Variants in SGCZ observed in about 807,000 individuals in gnomAD.
SGCZ encodes sarcoglycan zeta.
In SGCZ, 40 loss-of-function variants were observed where a neutral mutation model predicts 41.3. The ratio of observed to expected loss-of-function variants is 0.97; its 90% CI spans 0.75 to 1.26. The LOEUF (loss-of-function observed/expected upper bound fraction) is 1.26, where lower values mean the gene tolerates loss of function less well. Among genes scored for constraint, SGCZ ranks in the 50% most tolerant of loss-of-function variants. The pLI is 0.00. For missense variants in SGCZ, 552 were observed against 369.8 expected, an observed-to-expected ratio of 1.49 and a Z score of -4.04; for synonymous variants, 206 against 137.5, an observed-to-expected ratio of 1.50 and a Z score of -3.49.
chr8:14,987,599 T>C (rs550918615), intron 1 of SGCZ, among the ~76,000 whole-genome samples: 1 of 151,994 alleles, frequency 6.6e-6, no homozygotes, highest in African/African-American at 2.4e-5. Context: ...TCCACTTACA[T>C]ACCCAGTCAT....
At chr8:14,204,811 C>T (rs950304167) in intron 4 of SGCZ, among the ~76,000 whole-genome samples, 2 of 152,148 alleles carry the variant, frequency 1.3e-5, no homozygotes, top group Non-Finnish European at 2.9e-5. Flanking sequence ...AGACCTACAC[C>T]AGTTCACGCT....
rs1197017318 is a variant in SGCZ, at chr8:14,325,429, ACTTT to A, written c.235-1229_235-1226del. Among the ~76,000 whole-genome samples, 10 of 150,208 alleles carry A rather than the reference ACTTT, an allele frequency of 6.7e-5. No individual in the cohort carries two copies. In the Admixed American group the frequency reaches 6.7e-4, roughly 10 times the overall value. ...AATCCCAAAGCAAATTTAGCTTTTC[ACTTT>A]CTAACATTATATCTCCATTGTAAAA... On this transcript the variant is annotated intron_variant, in intron 2 of 7. Transcript: ENST00000382080.
intron 1 of SGCZ, among the ~76,000 whole-genome samples, chr8:14,891,218 T>A (rs1805003519): frequency 6.6e-6 from 1 of 152,224 alleles, no homozygotes; most frequent in African/African-American, 2.4e-5. Context: ...GTAATTCCTC[T>A]GATGAATCTG....
intron 1 of SGCZ, among the ~76,000 whole-genome samples, chr8:14,956,378 A>G (rs954141226): frequency 6.6e-6 from 1 of 152,096 alleles, no homozygotes; most frequent in African/African-American, 2.4e-5. Flanking sequence ...CAGTTTTTGC[A>G]CAGTCTGTTC....
chr8:14,643,382 C>G (rs964335), intron 1 of SGCZ, among the ~76,000 whole-genome samples: 29,055 of 151,272 alleles, frequency 0.19, 3,305 homozygotes, highest in East Asian at 0.6. Flanking sequence ...GTTGTAAATG[C>G]AAGTAGCTCT....
intron 1 of SGCZ, among the ~76,000 whole-genome samples, chr8:14,908,341 T>C (rs1026438433): frequency 1.3e-5 from 2 of 152,156 alleles, no homozygotes; most frequent in African/African-American, 2.4e-5. Flanking sequence ...ATTTACCTAG[T>C]GGCCATTGTA....
intron 2 of SGCZ, among the ~76,000 whole-genome samples, chr8:14,427,008 C>G (rs1377440309): frequency 6.7e-6 from 1 of 149,014 alleles, no homozygotes; most frequent in Non-Finnish European, 1.5e-5. Flanking sequence ...GCTCAGTAGC[C>G]TGTTTGCAGC....
At chr8:14,253,755 C>G (rs531430652) in intron 3 of SGCZ, among the ~76,000 whole-genome samples, 1 of 151,972 alleles carries the variant, frequency 6.6e-6, no homozygotes, top group Non-Finnish European at 1.5e-5. Flanking sequence ...CTTTACAGAA[C>G]GAGCTATCTA....
intron 2 of SGCZ, among the ~76,000 whole-genome samples, chr8:14,417,490 G>C (rs1799525256): frequency 6.6e-6 from 1 of 151,444 alleles, no homozygotes; most frequent in Admixed American, 6.6e-5. Context: ...TGATTACTTG[G>C]TCAAATCTGG....
intron 1 of SGCZ, among the ~76,000 whole-genome samples, chr8:15,177,382 G>A (rs1289670880): frequency 1.3e-5 from 2 of 152,160 alleles, no homozygotes; most frequent in Admixed American, 6.5e-5. Flanking sequence ...AAAATAAGGA[G>A]CTGAGGCCTT....
At chr8:14,915,078 C>G (rs998544963) in intron 1 of SGCZ, among the ~76,000 whole-genome samples, 1 of 152,104 alleles carries the variant, frequency 6.6e-6, no homozygotes, top group Non-Finnish European at 1.5e-5. Context: ...TTTCATAACT[C>G]TCATACTGCT....
intron 1 of SGCZ, among the ~76,000 whole-genome samples, chr8:14,940,293 C>T (rs1800227211): frequency 1.3e-5 from 2 of 152,120 alleles, no homozygotes; most frequent in Non-Finnish European, 2.9e-5. Flanking sequence ...ATAGCATCAT[C>T]ATCAAATGTT....
chr8:15,083,795 C>T (rs563111811), intron 1 of SGCZ, among the ~76,000 whole-genome samples: 3 of 152,086 alleles, frequency 2.0e-5, no homozygotes, highest in South Asian at 2.1e-4. Context: ...GGTCTCCCTA[C>T]GTTCCCCAGG....
intron 2 of SGCZ, among the ~76,000 whole-genome samples, chr8:14,492,439 G>C (rs10091423): frequency 0.019 from 2,936 of 152,248 alleles, 59 homozygotes; most frequent in African/African-American, 0.048. Flanking sequence ...AATGTTTAGA[G>C]AATAAAATTG....
intron 2 of SGCZ, among the ~76,000 whole-genome samples, chr8:14,485,587 G>C (rs562678373): frequency 2.0e-5 from 3 of 152,196 alleles, no homozygotes; most frequent in African/African-American, 7.2e-5. Context: ...GGTAGGCCCT[G>C]ATGGGTCCTG....
chr8:14,528,845 A>AC (rs1304793062), intron 2 of SGCZ, among the ~76,000 whole-genome samples: 8 of 151,208 alleles, frequency 5.3e-5, no homozygotes, highest in South Asian at 4.2e-4. Flanking sequence ...AAACAAAACA[A>AC]AAACAAAAAA....
chr8:14,853,384 G>A (rs1161701423), intron 1 of SGCZ: 1 of 501,772 alleles, frequency 2.0e-6, no homozygotes, highest in Non-Finnish European at 4.2e-6. Flanking sequence ...GTTCCCTTGG[G>A]ACCTACGCTG....
At chr8:14,249,931 C>G (rs1370464728) in intron 3 of SGCZ, among the ~76,000 whole-genome samples, 3 of 152,112 alleles carry the variant, frequency 2.0e-5, no homozygotes, top group African/African-American at 7.2e-5. Flanking sequence ...GTGTGGTGGG[C>G]AAACATTAAG....
chr8:14,320,668 C>T (rs990474178), intron 3 of SGCZ, among the ~76,000 whole-genome samples: 1 of 151,948 alleles, frequency 6.6e-6, no homozygotes, highest in Admixed American at 6.6e-5. Flanking sequence ...TCTGCTAACA[C>T]GGGCATCCTG....
Sources: gnomAD v4.1 joint callset for allele counts (sites outside exome capture counted in the v4.1 genomes callset) on GRCh38, gnomAD v4.1.1 for gene constraint, MANE v1.5 for transcripts, NCBI Gene and HGNC (gene_info 2026-07-23, HGNC 2026-07-21) for gene names.